Variants in EBF4 observed in about 807,000 individuals in gnomAD.
The protein encoded by EBF4 is transcription factor COE4.
A neutral mutation model predicts 67.1 loss-of-function variants in EBF4; 34 were observed. That is an observed-to-expected ratio of 0.51 (90% CI 0.39 to 0.67). The LOEUF (loss-of-function observed/expected upper bound fraction) is 0.67, where lower values mean the gene tolerates loss of function less well. EBF4 is among the 30% of genes least tolerant of loss of function. EBF4 has a pLI of 0.00. For synonymous variants in EBF4, 387 were observed against 377.7 expected, an observed-to-expected ratio of 1.02 and a Z score of -0.29; for missense variants, 837 against 873.3, an observed-to-expected ratio of 0.96 and a Z score of 0.52.
At chr20:2,723,443 C>T (rs1319771350) in intron 6 of EBF4, among the ~76,000 whole-genome samples, 3 of 152,014 alleles carry the variant, frequency 2.0e-5, no homozygotes, top group Admixed American at 6.5e-5. Context: ...CTCAGCCTCC[C>T]GGGTTCACGC....
In EBF4 at chr20:2,749,757, G is replaced by A. The variant is rs2088110827; in HGVS notation, c.891+4G>A. ...AAACGTGCTCGTGTGGAGCGAGGTG[G>A]GCCAACCCCGCCAGTCTCCCTCTGG... On this transcript the variant is annotated splice_donor_region_variant and intron_variant, in intron 9 of 16. Coordinates refer to ENST00000609451, the Ensembl canonical transcript of EBF4. 2 of 1,524,728 alleles carry A rather than the reference G, an allele frequency of 1.3e-6. No homozygotes were observed. The highest frequency in any genetic ancestry group is 2.0e-5 in the Admixed American group (1 of 49,582). 94.4% of individuals were successfully genotyped at this position (1,524,728 alleles called of 1,614,324 possible).
chr20:2,735,431 A>G (rs764539612), intron 6 of EBF4, among the ~76,000 whole-genome samples: 1 of 152,060 alleles, frequency 6.6e-6, no homozygotes, highest in African/African-American at 2.4e-5. Flanking sequence ...CAACTCAGCC[A>G]TTTTTCTTGC....
chr20:2,700,721 T>A (rs751685237), intron 1 of EBF4, among the ~76,000 whole-genome samples: 16,748 of 152,186 alleles, frequency 0.11, 992 homozygotes, highest in Admixed American at 0.14. Context: ...AGCATCAGCT[T>A]GTAATCAGCT....
intron 6 of EBF4, among the ~76,000 whole-genome samples, chr20:2,746,553 G>A (rs918663096): frequency 5.3e-5 from 8 of 152,162 alleles, no homozygotes; most frequent in Non-Finnish European, 1.2e-4. Flanking sequence ...CAGTTCCAGG[G>A]CTGGTGCTTA....
Position 2,758,959 on chromosome 20 carries a change from C to T in EBF4, c.1789C>T (p.Gln597Ter), listed in dbSNP as rs1399982749. Residue 597 changes from glutamine (Q) to a stop codon, truncating the protein, a stop_gained, in exon 16 of 17, where the codon CAG becomes TAG. Transcript: ENST00000609451. LOFTEE classifies it high-confidence loss of function. ...GTTTCACTCTCCAGCCCGGGGGCTT[C>T]AGGGCCTGGCATACTCCTAATTACG... 1.9e-6 allele frequency: 3 copies of T among 1,551,842 alleles called. No homozygotes were observed. The highest frequency in any genetic ancestry group is 2.6e-6 in the Non-Finnish European group (3 of 1,147,014).
rs1380627607 is a variant in EBF4, at chr20:2,708,110, C to T, written c.488+90C>T. The T allele has an allele frequency of 2.2e-6, 3 of 1,336,322 alleles. No homozygotes were observed. The East Asian group carries it at 7.8e-5, about 35-fold the overall frequency. 82.8% of individuals were successfully genotyped at this position (1,336,322 alleles called of 1,614,324 possible). On this transcript the variant is annotated intron_variant, in intron 5 of 16. Transcript: ENST00000609451. ...GCCCTGCCCCCTCGCCGCCCTTGCC[C>T]CTGGCTGCTCTCTGCTGCTGCTCCC... is the stretch of plus-strand genomic sequence containing the variant.
intron 6 of EBF4, among the ~76,000 whole-genome samples, chr20:2,723,348 ATTTTT>A (rs1351969219): frequency 6.6e-6 from 1 of 150,904 alleles, no homozygotes; most frequent in African/African-American, 2.4e-5. Context: ...ATTTATTTTT[ATTTTT>A]TTTTATTTTT....
exon 13 of EBF4, chr20:2,752,138 C>T (rs1483782341): frequency 9.0e-6 from 13 of 1,449,388 alleles, no homozygotes; most frequent in Non-Finnish European, 9.9e-6. Flanking sequence ...TACAGCACCC[C>T]CCGCGCACCC....
Position 2,755,391 on chromosome 20 carries a change from T to C in EBF4, c.1541-236T>C, listed in dbSNP as rs1356237174. 1.2e-5 allele frequency: 6 copies of C among 508,490 alleles called. No homozygotes were observed. The highest frequency in any genetic ancestry group is 2.1e-5 in the Non-Finnish European group (6 of 289,148). 31.5% of individuals were successfully genotyped at this position (508,490 alleles called of 1,614,324 possible). A position where few individuals can be genotyped will look rare whatever the true frequency, so the allele number is the denominator to read the frequency against. ...TTTTTTTGAATGTTCTGGTTTTGCT[T>C]TTGTCTTTACCTGGTCTGGCCCTGT... On this transcript the variant is annotated intron_variant, in intron 14 of 16. Transcript: ENST00000609451. The surrounding 1 kb of genome is among the most constrained non-coding windows in gnomAD (Gnocchi z 4.7).
exon 14 of EBF4, chr20:2,752,497 G>T: frequency 7.9e-7 from 1 of 1,258,448 alleles, no homozygotes. Context: ...CGGCGTGCCT[G>T]GGTCCCCCAG....
chr20:2,693,567 G>C, upstream of EBF4: 7 of 1,292,638 alleles, frequency 5.4e-6, no homozygotes, highest in Non-Finnish European at 5.9e-6. The surrounding 1 kb of genome is among the most constrained non-coding windows in gnomAD (Gnocchi z 4.6). Flanking sequence ...GTGCCGTCGG[G>C]TCGGGCTGAG....
intron 1 of EBF4, among the ~76,000 whole-genome samples, chr20:2,700,689 G>A (rs75382354): frequency 0.015 from 2,276 of 151,758 alleles, 51 homozygotes; most frequent in East Asian, 0.068. Context: ...TCTTTAGTCC[G>A]GGTTTGTTTT....
At chr20:2,705,426 G>T in intron 1 of EBF4, 151 bp from the exon 2 acceptor site, 3 of 1,051,302 alleles carry the variant, frequency 2.9e-6, no homozygotes, top group South Asian at 1.5e-5. Context: ...CCCTGGTCAG[G>T]CTGGAAAGGG....
chr20:2,758,804 A>G (rs1189626587), intron 15 of EBF4, 105 bp from the exon 16 acceptor site: 2 of 1,007,926 alleles, frequency 2.0e-6, no homozygotes, highest in Admixed American at 2.0e-5. Flanking sequence ...CTGCCTTCAG[A>G]AAGTGCTATA....
intron 6 of EBF4, among the ~76,000 whole-genome samples, chr20:2,720,117 C>T (rs1233522233): frequency 2.6e-5 from 4 of 152,132 alleles, no homozygotes; most frequent in Non-Finnish European, 5.9e-5. Context: ...TAATTGACTT[C>T]TTTATCATAA....
rs1055360452 is a variant in EBF4, at chr20:2,718,764, T to G, written c.557+9122T>G. Among the ~76,000 whole-genome samples the G allele has an allele frequency of 4.6e-5, 7 of 152,144 alleles. No homozygotes were observed. In the East Asian group the frequency reaches 1.3e-3, roughly 29 times the overall value. ...ATTGATTTTCTCTATCATTTTTCTG[T>G]TTTTTGTTTCATTGATTTCCACTTT... On this transcript the variant is annotated intron_variant, in intron 6 of 16. Coordinates refer to ENST00000609451, the Ensembl canonical transcript of EBF4.
At chr20:2,712,768 GAGA>G (rs1394000027) in intron 6 of EBF4, among the ~76,000 whole-genome samples, 1 of 152,158 alleles carries the variant, frequency 6.6e-6, no homozygotes, top group Admixed American at 6.5e-5. Flanking sequence ...AAAGGAGAAT[GAGA>G]AGAAGTGACC....
chr20:2,744,062 A>C (rs1193848012), intron 6 of EBF4, among the ~76,000 whole-genome samples: 1 of 147,468 alleles, frequency 6.8e-6, no homozygotes, highest in African/African-American at 2.6e-5. Context: ...CCAGGTCATC[A>C]AAGTTTTTAT....
chr20:2,737,872 G>A (rs2087911349), intron 6 of EBF4, among the ~76,000 whole-genome samples: 1 of 151,518 alleles, frequency 6.6e-6, no homozygotes, highest in Non-Finnish European at 1.5e-5. Context: ...GGCTGAGGCA[G>A]GAGAATCACT....
Sources: allele counts gnomAD v4.1 joint callset (sites outside exome capture counted in the v4.1 genomes callset), GRCh38; gene constraint gnomAD v4.1.1; non-coding constraint Gnocchi (gnomAD v3.1); transcripts MANE v1.5; gene names NCBI Gene and HGNC (gene_info 2026-07-23, HGNC 2026-07-21).